The following CDK13 variants were observed in gnomAD, a reference collection of about 807,000 sequenced individuals.
The protein encoded by CDK13 is cyclin-dependent kinase 13.
In CDK13, 40 loss-of-function variants were observed where a neutral mutation model predicts 137.6. The observed-to-expected ratio is 0.29, with a 90% CI of 0.23 to 0.38. The LOEUF is 0.38. CDK13 is among the 10% of genes least tolerant of loss of function. The pLI, the probability that CDK13 is intolerant of heterozygous loss-of-function variation, is 1.00. For synonymous variants in CDK13, 869 were observed against 760.1 expected, an observed-to-expected ratio of 1.14 and a Z score of -2.36; for missense variants, 1,704 against 1,951.8, an observed-to-expected ratio of 0.87 and a Z score of 2.39.
intron 5 of CDK13, among the ~76,000 whole-genome samples, chr7:40,032,018 C>G (rs545060420): frequency 6.6e-6 from 1 of 151,846 alleles, no homozygotes; most frequent in Non-Finnish European, 1.5e-5. Context: ...CTTGTCTTTT[C>G]GTTTTCTTAG....
In CDK13 at chr7:39,951,229, C is replaced by T; in HGVS notation, c.588C>T (p.Arg196=). The change falls in exon 1 of 14, where the codon CGC becomes CGT. Residue 196 remains arginine (R), a synonymous_variant. Transcript: ENST00000181839. ...AGCGGCGCGGGGAGGGGTCGGAGCG[C>T]AGGCCCCGCCGGGACCGCCGCAGCA... is the stretch of plus-strand genomic sequence containing the variant. ...GTQRRGEGSE[R]RPRRDRRSSS... is the part of the protein sequence containing the mutation. 1.6e-6 allele frequency: 2 copies of T among 1,278,304 alleles called. No homozygotes were observed. The highest frequency in any genetic ancestry group is 5.3e-5 in the South Asian group (2 of 37,478). 79.2% of individuals were successfully genotyped at this position (1,278,304 alleles called of 1,614,324 possible). A position where few individuals can be genotyped will look rare whatever the true frequency, so the allele number is the denominator to read the frequency against.
intron 9 of CDK13, 40 bp from the exon 10 acceptor site, chr7:40,077,965 G>T: frequency 1.2e-6 from 1 of 839,042 alleles, no homozygotes; most frequent in Non-Finnish European, 1.8e-6. Context: ...TATTCTTTAT[G>T]TAGTTGATAG....
At chr7:39,981,354 G>T (rs1022075935) in intron 1 of CDK13, among the ~76,000 whole-genome samples, 1 of 150,430 alleles carries the variant, frequency 6.6e-6, no homozygotes, top group Non-Finnish European at 1.5e-5. Flanking sequence ...GTGCGAAAAA[G>T]TGAGAGACCC....
At chr7:40,081,275 C>T (rs1786657213) in intron 11 of CDK13, among the ~76,000 whole-genome samples, 1 of 152,092 alleles carries the variant, frequency 6.6e-6, no homozygotes, top group African/African-American at 2.4e-5. Context: ...TTACTTTGTA[C>T]CATTATTATT....
At chr7:39,993,529 A>C (rs1488039300) in intron 2 of CDK13, among the ~76,000 whole-genome samples, 1 of 152,066 alleles carries the variant, frequency 6.6e-6, no homozygotes, top group Non-Finnish European at 1.5e-5. Context: ...CAAAATCATG[A>C]GATAGATGGT....
In CDK13 at chr7:39,976,323, T is replaced by TCTCTCTCTCTCTCTCTCTCTCTCACA; in HGVS notation, c.1212-11275_1212-11274insTCTCTCTCTCTCTCTCTCTCTCACAC. Among the ~76,000 whole-genome samples the TCTCTCTCTCTCTCTCTCTCTCTCACA allele has an allele frequency of 1.4e-3, 54 of 39,556 alleles. 3 individuals carry two copies. Among genetic ancestry groups the TCTCTCTCTCTCTCTCTCTCTCTCACA allele is most frequent in the East Asian group, 8.5e-3 (12 of 1,412 alleles). The allele number at this position is 39,556 out of a possible 152,430, so 26.0% of individuals were successfully genotyped here. The stretch of plus-strand genomic sequence containing the variant: ...CTCTCTCTCTCTCTCTCTCTCTCTC[T>TCTCTCTCTCTCTCTCTCTCTCTCACA]CACACACACACACACACACACACAC... On this transcript the variant is annotated intron_variant, in intron 1 of 13. Transcript: ENST00000181839.
At chr7:40,040,825 G>T (rs1785589529) in intron 5 of CDK13, among the ~76,000 whole-genome samples, 1 of 152,050 alleles carries the variant, frequency 6.6e-6, no homozygotes, top group Non-Finnish European at 1.5e-5. Flanking sequence ...CTGTTTAACT[G>T]TAATAATTTT....
rs1441603691 is a variant in CDK13, at chr7:40,097,863, A to G, written c.*2883A>G. 1 of 152,124 alleles carries G rather than the reference A, an allele frequency of 6.6e-6. No individual in the cohort carries two copies. The highest frequency in any genetic ancestry group is 1.5e-5 in the Non-Finnish European group (1 of 67,982). The allele number at this position is 152,124 out of a possible 1,614,324, so 9.4% of individuals were successfully genotyped here. Reference sequence around the variant, plus strand: ...AAATAAGGTAATAATTCTAGCTGTGATTCAGAGCTTTATTCTGTCAGCAAA... The same window carrying G: ...AAATAAGGTAATAATTCTAGCTGTGGTTCAGAGCTTTATTCTGTCAGCAAA... On this transcript the variant is annotated 3_prime_UTR_variant, in exon 14 of 14. Coordinates refer to ENST00000181839, the MANE Select transcript of CDK13 (RefSeq NM_003718.5).
At chr7:40,053,350 C>T (rs946635490) in intron 7 of CDK13, among the ~76,000 whole-genome samples, 2 of 152,088 alleles carry the variant, frequency 1.3e-5, no homozygotes, top group African/African-American at 2.4e-5. Context: ...CTTTATTTCC[C>T]GTTTTAGTTA....
At chr7:40,077,878 AC>A (rs760380428) in intron 9 of CDK13, 126 bp from the exon 10 acceptor site, 5 of 523,992 alleles carry the variant, frequency 9.5e-6, no homozygotes, top group Non-Finnish European at 1.4e-5. Context: ...GAATAAAATA[AC>A]AAAAGTTTTT....
intron 1 of CDK13, chr7:39,952,818 A>G (rs1381634803): frequency 8.3e-6 from 1 of 120,140 alleles, no homozygotes; most frequent in Non-Finnish European, 2.0e-5. Flanking sequence ...ACTTTTCTGT[A>G]GCTTTCTTGC....
At chr7:40,039,588 T>C (rs945293883) in intron 5 of CDK13, among the ~76,000 whole-genome samples, 1 of 151,914 alleles carries the variant, frequency 6.6e-6, no homozygotes, top group Admixed American at 6.6e-5. Flanking sequence ...TGAACCACCA[T>C]GCCCGGCTAA....
chr7:39,950,730 G>T lies in CDK13; in HGVS notation c.89G>T (p.Arg30Leu). 2 of 1,468,178 alleles carry T rather than the reference G, an allele frequency of 1.4e-6. No homozygotes were observed. The highest frequency in any genetic ancestry group is 1.8e-6 in the Non-Finnish European group (2 of 1,117,458). 90.9% of individuals were successfully genotyped at this position (1,468,178 alleles called of 1,614,324 possible). A position where few individuals can be genotyped will look rare whatever the true frequency, so the allele number is the denominator to read the frequency against. The change falls in exon 1 of 14, where the codon CGA becomes CTA. Residue 30 changes from arginine to leucine, a missense_variant. Arg to Leu is a moderately radical substitution (Grantham distance 102). Coordinates refer to ENST00000181839, the MANE Select transcript of CDK13 (RefSeq NM_003718.5). ...KKLEERRKRR[R>L]FLSPQQPPLL... ...TTGGAGGAACGCCGCAAGCGGAGGC[G>T]ATTCCTGTCCCCTCAGCAGCCGCCG...
chr7:40,021,513 G>GT (rs1260772942), intron 5 of CDK13, among the ~76,000 whole-genome samples: 52 of 151,934 alleles, frequency 3.4e-4, no homozygotes, highest in Non-Finnish European at 1.5e-4. Context: ...ATAATAATTT[G>GT]TCTGTTTTAA....
intron 5 of CDK13, among the ~76,000 whole-genome samples, chr7:40,018,207 G>T (rs1193988174): frequency 6.6e-6 from 1 of 152,078 alleles, no homozygotes; most frequent in Admixed American, 6.6e-5. Context: ...ATTGGTCAGG[G>T]TGTGGGATCA....
chr7:40,075,222 T>C (rs1255493603), intron 9 of CDK13, among the ~76,000 whole-genome samples: 2 of 152,194 alleles, frequency 1.3e-5, no homozygotes, highest in Non-Finnish European at 2.9e-5. Context: ...GGATTTAGCA[T>C]ATACCTTAGT....
chr7:40,024,912 C>T (rs1785212272), intron 5 of CDK13, among the ~76,000 whole-genome samples: 1 of 152,098 alleles, frequency 6.6e-6, no homozygotes, highest in Admixed American at 6.6e-5. Context: ...GATTCGCCCG[C>T]CTTGGCCTCC....
At position 39,989,766 on chromosome 7, in the gene CDK13, G is replaced by C. The variant is rs969257978; in HGVS notation, c.1871+1508G>C. On this transcript the variant is annotated intron_variant, in intron 2 of 13. Transcript: ENST00000181839. ...GAGAATCCATGTTTCATTGAGACTG[G>C]TGTTTCTCTACTTTATCCTTTTTTT... is the stretch of plus-strand genomic sequence containing the variant. Among the ~76,000 whole-genome samples the C allele has an allele frequency of 2.6e-5, 4 of 151,576 alleles. No homozygotes were observed. The South Asian group carries it at 8.3e-4, about 32-fold the overall frequency.
chr7:40,058,063 G>A (rs2159488), intron 7 of CDK13, among the ~76,000 whole-genome samples: 82,312 of 151,934 alleles, frequency 0.54, 24,299 homozygotes, highest in African/African-American at 0.79. Context: ...GGTAATTTTC[G>A]TTAGGGGAGT....
Sources: allele counts gnomAD v4.1 joint callset (sites outside exome capture counted in the v4.1 genomes callset), GRCh38; gene constraint gnomAD v4.1.1; transcripts MANE v1.5; gene names NCBI Gene and HGNC (gene_info 2026-07-23, HGNC 2026-07-21).